PCDH9: variants seen among roughly 807,000 people sequenced by gnomAD.
The protein encoded by PCDH9 is protocadherin-9.
In PCDH9, 24 loss-of-function variants were observed where a neutral mutation model predicts 70.6. The observed-to-expected ratio is 0.34, with a 90% confidence interval of 0.25 to 0.48. The LOEUF is 0.48. PCDH9 is among the 20% of genes least tolerant of loss of function. The pLI, the probability that PCDH9 is intolerant of heterozygous loss-of-function variation, is 0.99. For missense variants in PCDH9, 1,281 were observed against 1,503.6 expected (o/e 0.85, Z 2.45); for synonymous variants, 562 against 558.5 (o/e 1.01, Z -0.09).
At chr13:66,857,178 A>G (rs535191712) in intron 3 of PCDH9, among the ~76,000 whole-genome samples, 6 of 152,202 alleles carry the variant, frequency 3.9e-5, no homozygotes, top group African/African-American at 1.4e-4. Flanking sequence ...CTTAACTTCT[A>G]AGGTCCCTGA....
chr13:66,874,914 A>AGCAGTGTGTGT (rs2081770638), intron 3 of PCDH9, among the ~76,000 whole-genome samples: 1 of 137,404 alleles, frequency 7.3e-6, no homozygotes, highest in Non-Finnish European at 1.5e-5. Context: ...CAAAAGCAGC[A>AGCAGTGTGTGT]GTGTGTGTGT....
At chr13:66,957,241 T>G (rs2083278199) in intron 2 of PCDH9, among the ~76,000 whole-genome samples, 1 of 152,248 alleles carries the variant, frequency 6.6e-6, no homozygotes. Flanking sequence ...CATGTGCTGA[T>G]AAGCCACATA....
At chr13:66,581,175 C>T (rs2076886816) in intron 4 of PCDH9, among the ~76,000 whole-genome samples, 1 of 152,074 alleles carries the variant, frequency 6.6e-6, no homozygotes, top group African/African-American at 2.4e-5. Flanking sequence ...GAATTCCAGA[C>T]AACAAAACAT....
intron 4 of PCDH9, among the ~76,000 whole-genome samples, chr13:66,451,231 T>C (rs1958202491): frequency 6.6e-6 from 1 of 152,178 alleles, no homozygotes. Flanking sequence ...ACAAAATGAA[T>C]GAAAGGAATA....
At chr13:67,000,728 A>G (rs2084227055) in intron 2 of PCDH9, among the ~76,000 whole-genome samples, 1 of 152,194 alleles carries the variant, frequency 6.6e-6, no homozygotes, top group African/African-American at 2.4e-5. Flanking sequence ...TTCTTTGTGC[A>G]GTAAGAAACT....
intron 3 of PCDH9, among the ~76,000 whole-genome samples, chr13:66,650,039 C>A (rs113650149): frequency 6.7e-6 from 1 of 150,188 alleles, no homozygotes; most frequent in Non-Finnish European, 1.5e-5. Context: ...TAGAAAACCA[C>A]CTTCAGTAAA....
chr13:67,088,605 T>G (rs1005947908), intron 2 of PCDH9, among the ~76,000 whole-genome samples: 6 of 152,046 alleles, frequency 3.9e-5, no homozygotes, highest in Non-Finnish European at 8.8e-5. Context: ...GGGAGAGTTA[T>G]TACTATTCTT....
intron 2 of PCDH9, among the ~76,000 whole-genome samples, chr13:67,003,861 A>C (rs2084294486): frequency 6.6e-6 from 1 of 152,228 alleles, no homozygotes; most frequent in Admixed American, 6.5e-5. Context: ...TATTTTAAAA[A>C]ATAGTCTCCT....
chr13:66,372,174 G>T (rs562598941), intron 4 of PCDH9, among the ~76,000 whole-genome samples: 133 of 152,100 alleles, frequency 8.7e-4, no homozygotes, highest in African/African-American at 3.0e-3. Context: ...CCCTCAAGTT[G>T]TAGTTTGGAA....
At position 66,867,846 on chromosome 13, in the gene PCDH9, T is replaced by C. The variant is rs1009752161; in HGVS notation, c.3138+35658A>G. Among the ~76,000 whole-genome samples, 6 of 152,162 alleles carry C rather than the reference T, an allele frequency of 3.9e-5. No individual in the cohort carries two copies. The South Asian group carries it at 1.2e-3, about 32-fold the overall frequency. On this transcript the variant is annotated intron_variant, in intron 3 of 4. Transcript: ENST00000377865. ...AATCCTTTTTTTTATCCTTCTGTCATTGTTTTTCATTTTCCTTTTAAAATC... is the reference window on the plus strand; with the variant it reads ...AATCCTTTTTTTTATCCTTCTGTCACTGTTTTTCATTTTCCTTTTAAAATC...
At chr13:67,018,558 G>A (rs181228940) in intron 2 of PCDH9, among the ~76,000 whole-genome samples, 60 of 149,122 alleles carry the variant, frequency 4.0e-4, no homozygotes, top group Admixed American at 1.4e-3. Context: ...GGCAGAAGTT[G>A]CAGTGAACCT....
intron 4 of PCDH9, among the ~76,000 whole-genome samples, chr13:66,317,594 A>T (rs536969532): frequency 6.6e-6 from 1 of 152,336 alleles, no homozygotes; most frequent in East Asian, 1.9e-4. Flanking sequence ...CACAGGATAC[A>T]TAACAAAACA....
At chr13:67,010,062 A>G (rs1045311284) in intron 2 of PCDH9, among the ~76,000 whole-genome samples, 2 of 152,072 alleles carry the variant, frequency 1.3e-5, no homozygotes, top group Non-Finnish European at 2.9e-5. Context: ...CAAGTTAATT[A>G]AAATAACTAT....
chr13:66,660,219 C>A (rs914674533), intron 3 of PCDH9, among the ~76,000 whole-genome samples: 1 of 152,152 alleles, frequency 6.6e-6, no homozygotes, highest in African/African-American at 2.4e-5. Context: ...TTTCTAAATG[C>A]CCCAGCAACA....
chr13:66,535,384 C>A (rs1200389876), intron 4 of PCDH9, among the ~76,000 whole-genome samples: 1 of 151,854 alleles, frequency 6.6e-6, no homozygotes, highest in East Asian at 1.9e-4. Flanking sequence ...CTCTTTAAGT[C>A]CCAAATATCT....
chr13:67,160,268 G>T (rs111402575), intron 2 of PCDH9, among the ~76,000 whole-genome samples: 1 of 152,142 alleles, frequency 6.6e-6, no homozygotes, highest in Non-Finnish European at 1.5e-5. Flanking sequence ...CAACCTGGCC[G>T]GGTGCGGTGG....
chr13:67,226,601 C>T lies in PCDH9; in HGVS notation c.1840G>A (p.Asp614Asn). The T allele has an allele frequency of 6.2e-7, 1 of 1,614,044 alleles. No homozygotes were observed. The highest frequency in any genetic ancestry group is 8.5e-7 in the Non-Finnish European group (1 of 1,179,940). Residue 614 changes from aspartate to asparagine, a missense_variant, in exon 2 of 5, where the codon GAC becomes AAC. By Grantham distance (23) the Asp-to-Asn change is conservative. Coordinates refer to ENST00000377865, the MANE Select transcript of PCDH9 (RefSeq NM_203487.3). This position sits in a 1 kb window ranked among gnomAD's most constrained non-coding sequence, Gnocchi z 5.0. ...NKAVTLSILN[D>N]NDNFVLDPYS... The stretch of plus-strand genomic sequence containing the variant: ...GGATCCAACACAAAATTATCATTGT[C>T]ATTTAGAATGGAAAGAGTCACAGCT...
intron 3 of PCDH9, among the ~76,000 whole-genome samples, chr13:66,849,511 T>TAGAGAGAGAGAG (rs1252511795): frequency 5.6e-4 from 46 of 82,166 alleles, no homozygotes; most frequent in African/African-American, 1.7e-3. Flanking sequence ...TATATATATA[T>TAGAGAGAGAGAG]ATATATAGAG....
At chr13:67,199,022 C>T (rs1204922462) in intron 2 of PCDH9, among the ~76,000 whole-genome samples, 1 of 151,570 alleles carries the variant, frequency 6.6e-6, no homozygotes, top group Non-Finnish European at 1.5e-5. Flanking sequence ...GTAATTATCA[C>T]ATTAACATGT....
Sources: allele counts gnomAD v4.1 joint callset (sites outside exome capture counted in the v4.1 genomes callset), GRCh38; gene constraint gnomAD v4.1.1; non-coding constraint Gnocchi (gnomAD v3.1); transcripts MANE v1.5; gene names NCBI Gene and HGNC (gene_info 2026-07-23, HGNC 2026-07-21).